TTC28: variants seen among roughly 807,000 people sequenced by gnomAD.
TTC28 encodes tetratricopeptide repeat domain 28, also known as tetratricopeptide repeat protein 28.
In TTC28, 61 loss-of-function variants were observed where a neutral mutation model predicts 198.0. That is an observed-to-expected ratio of 0.31 (90% CI 0.25 to 0.38). The LOEUF is 0.38. TTC28 is among the 10% of genes least tolerant of loss of function. TTC28 has a pLI of 1.00. For synonymous variants in TTC28, 1,171 were observed against 1,297.8 expected (o/e 0.90, Z 2.10); for missense variants, 2,678 against 3,164.0 (o/e 0.85, Z 3.69).
Position 28,544,108 on chromosome 22 carries a change from C to G in TTC28, c.381+85444G>C, listed in dbSNP as rs1238052927. Among the ~76,000 whole-genome samples, 4 of 152,172 alleles carry G rather than the reference C, an allele frequency of 2.6e-5. No homozygotes were observed. The East Asian group carries it at 7.7e-4, about 29-fold the overall frequency. On this transcript the variant is annotated intron_variant, in intron 2 of 22. Coordinates refer to ENST00000397906, the MANE Select transcript of TTC28 (RefSeq NM_001145418.2). Reference sequence around the variant, plus strand: ...TGGTGGCGGGCACCTGTAATCCCAGCTGCTCGGGAGGCTGAGGCAGGAGAA... The same window carrying G: ...TGGTGGCGGGCACCTGTAATCCCAGGTGCTCGGGAGGCTGAGGCAGGAGAA...
At position 28,623,639 on chromosome 22, in the gene TTC28, T is replaced by C. The variant is rs149279861; in HGVS notation, c.381+5913A>G. Among the ~76,000 whole-genome samples the C allele has an allele frequency of 2.6e-3, 393 of 152,250 alleles. 9 individuals carry two copies. The East Asian group carries it at 0.063, about 24-fold the overall frequency. ...GGTATATTTCCCAGGATAAACCACA[T>C]GCAAGGCCATAAAACAAACCTCAGA... On this transcript the variant is annotated intron_variant, in intron 2 of 22. Transcript: ENST00000397906.
At chr22:28,041,804 G>C (rs1939650146) in intron 12 of TTC28, among the ~76,000 whole-genome samples, 1 of 150,962 alleles carries the variant, frequency 6.6e-6, no homozygotes, top group Admixed American at 6.6e-5. Context: ...GTAACCTACA[G>C]AATGGGAGAA....
rs2048386108 is a variant in TTC28, at chr22:28,491,949, T to C, written c.381+137603A>G. Among the ~76,000 whole-genome samples, 3 of 152,214 alleles carry C rather than the reference T, an allele frequency of 2.0e-5. No individual in the cohort carries two copies. The South Asian group carries it at 6.2e-4, about 32-fold the overall frequency. ...GCAGCCATAAAAAAGGATGAGTTCA[T>C]GTCCTTTGTAGGGACATGGATGAAG... is the stretch of plus-strand genomic sequence containing the variant. On this transcript the variant is annotated intron_variant, in intron 2 of 22. Transcript: ENST00000397906.
intron 5 of TTC28, among the ~76,000 whole-genome samples, chr22:28,163,841 C>T (rs892342343): frequency 2.6e-5 from 4 of 152,124 alleles, no homozygotes; most frequent in Non-Finnish European, 4.4e-5. Context: ...TGAAGCACGG[C>T]GAGGCATTGC....
Position 28,101,215 on chromosome 22 carries a change from G to C in TTC28, c.3373C>G (p.Leu1125Val). 1 of 1,551,690 alleles carries C rather than the reference G, an allele frequency of 6.4e-7. No individual in the cohort carries two copies. The part of the protein sequence containing the change: ...DEAKIRHGLG[L>V]SLWASGNLEE... Reference sequence around the variant, plus strand: ...AAGTTTCCACTAGCCCAAAGGGAGAGGCCAAGGCCATGGCGAATTTTTGCC... The same window carrying C: ...AAGTTTCCACTAGCCCAAAGGGAGACGCCAAGGCCATGGCGAATTTTTGCC... Residue 1125 changes from leucine (L) to valine (V), a missense_variant, in exon 9 of 23, where the codon CTC becomes GTC. Leu to Val is a conservative substitution (Grantham distance 32). Coordinates refer to ENST00000397906, the MANE Select transcript of TTC28 (RefSeq NM_001145418.2).
At chr22:28,479,593 T>C (rs2048217381) in intron 2 of TTC28, among the ~76,000 whole-genome samples, 2 of 152,236 alleles carry the variant, frequency 1.3e-5, no homozygotes, top group Admixed American at 6.5e-5. Flanking sequence ...ATGAAATCTC[T>C]AGTTATTAGA....
chr22:28,640,567 A>AAAAAATAATAATAAT (rs1555906379), intron 1 of TTC28, among the ~76,000 whole-genome samples: 4 of 147,318 alleles, frequency 2.7e-5, no homozygotes, highest in Admixed American at 2.1e-4. Flanking sequence ...CAAACTGTTA[A>AAAAAATAATAATAAT]AATAATAATA....
At chr22:28,405,674 T>C (rs1252373763) in intron 2 of TTC28, among the ~76,000 whole-genome samples, 1 of 152,208 alleles carries the variant, frequency 6.6e-6, no homozygotes, top group Non-Finnish European at 1.5e-5. Context: ...ACAGGTACTA[T>C]GTCTCTCTGA....
chr22:28,633,280 C>CAAAAA (rs371317485), intron 1 of TTC28, among the ~76,000 whole-genome samples: 6 of 110,758 alleles, frequency 5.4e-5, no homozygotes, highest in African/African-American at 1.3e-4. Flanking sequence ...GACTCTGTCT[C>CAAAAA]AAAAAAAAAA....
chr22:28,208,244 T>C (rs990236143), intron 5 of TTC28, among the ~76,000 whole-genome samples: 2 of 152,200 alleles, frequency 1.3e-5, no homozygotes, highest in African/African-American at 4.8e-5. Context: ...AGTAATTTAG[T>C]ATTAGTCAAG....
rs1487189826 is a variant in TTC28, at chr22:28,522,343, C to A, written c.381+107209G>T. On this transcript the variant is annotated intron_variant, in intron 2 of 22. Coordinates refer to ENST00000397906, the MANE Select transcript of TTC28 (RefSeq NM_001145418.2). The stretch of plus-strand genomic sequence containing the variant: ...CTCTACTAAAAATACGAAAAATTAG[C>A]TGGGCGTGGTGGCAAGCACCTGTAA... Among the ~76,000 whole-genome samples the A allele has an allele frequency of 4.6e-5, 7 of 152,184 alleles. No homozygotes were observed. The South Asian group carries it at 1.2e-3, about 27-fold the overall frequency.
chr22:28,050,858 C>T (rs540404135), intron 12 of TTC28, among the ~76,000 whole-genome samples: 2 of 152,246 alleles, frequency 1.3e-5, no homozygotes, highest in South Asian at 4.2e-4. Flanking sequence ...ATACAACAAA[C>T]CCCAATATGT....
chr22:28,019,279 C>T (rs1938499209), intron 13 of TTC28, among the ~76,000 whole-genome samples: 1 of 152,152 alleles, frequency 6.6e-6, no homozygotes, highest in Admixed American at 6.5e-5. Flanking sequence ...TACTGATGAT[C>T]AATCCAACTG....
intron 13 of TTC28, among the ~76,000 whole-genome samples, chr22:28,027,159 C>T (rs1418581863): frequency 2.0e-5 from 3 of 152,186 alleles, no homozygotes; most frequent in Non-Finnish European, 2.9e-5. Flanking sequence ...TACATTCCCA[C>T]AGAACCTCCC....
intron 2 of TTC28, among the ~76,000 whole-genome samples, chr22:28,308,784 G>A (rs1298300658): frequency 6.6e-6 from 1 of 152,138 alleles, no homozygotes; most frequent in East Asian, 1.9e-4. Context: ...TTAAAAAGTG[G>A]TATAGGAGAG....
chr22:28,334,137 T>G (rs1044105334), intron 2 of TTC28, among the ~76,000 whole-genome samples: 1 of 151,982 alleles, frequency 6.6e-6, no homozygotes, highest in Non-Finnish European at 1.5e-5. Context: ...TTGCTGAGAA[T>G]GATGGTTTCC....
In TTC28 at chr22:27,978,589, G is replaced by A. The variant is rs1936921411; in HGVS notation, c.*3632C>T. On this transcript the variant is annotated 3_prime_UTR_variant, in exon 23 of 23. Coordinates refer to ENST00000397906, the MANE Select transcript of TTC28 (RefSeq NM_001145418.2). Reference sequence around the variant, plus strand: ...GAGAGAGCAGGATGAGGACAGCGTGGGTGACACCTTTGTCTCCTGCTAAAA... The same window carrying A: ...GAGAGAGCAGGATGAGGACAGCGTGAGTGACACCTTTGTCTCCTGCTAAAA... The A allele has an allele frequency of 6.6e-6, 1 of 152,244 alleles. No individual in the cohort carries two copies. The highest frequency in any genetic ancestry group is 1.5e-5 in the Non-Finnish European group (1 of 68,050). 9.4% of individuals were successfully genotyped at this position (152,244 alleles called of 1,614,324 possible). A position where few individuals can be genotyped will look rare whatever the true frequency, so the allele number is the denominator to read the frequency against.
intron 2 of TTC28, among the ~76,000 whole-genome samples, chr22:28,422,589 C>G (rs2047275982): frequency 6.6e-6 from 1 of 151,952 alleles, no homozygotes; most frequent in Non-Finnish European, 1.5e-5. Context: ...CAGGTGCCCG[C>G]CACCACGCCT....
chr22:28,562,750 C>T (rs771700487), intron 2 of TTC28, among the ~76,000 whole-genome samples: 21 of 152,110 alleles, frequency 1.4e-4, no homozygotes, highest in Admixed American at 2.6e-4. Context: ...CAAAAATTGC[C>T]AAAAGCACAA....
Sources: allele counts gnomAD v4.1 joint callset (sites outside exome capture counted in the v4.1 genomes callset), GRCh38; gene constraint gnomAD v4.1.1; transcripts MANE v1.5; gene names NCBI Gene and HGNC (gene_info 2026-07-23, HGNC 2026-07-21).